The following NETO1 variants were observed in gnomAD, a reference collection of about 807,000 sequenced individuals.
The protein encoded by NETO1 is neuropilin and tolloid-like protein 1.
NETO1 carries 26 observed loss-of-function variants against 61.3 expected under a neutral mutation model. The ratio of observed to expected loss-of-function variants is 0.42; its 90% confidence interval spans 0.31 to 0.59. NETO1 has a LOEUF of 0.59. Ranked by LOEUF, NETO1 falls within the 20% of genes least tolerant of loss-of-function variation. The probability of loss-of-function intolerance (pLI) is 0.12; values close to 1 mark genes in which losing one functional copy is unlikely to be tolerated. For synonymous variants in NETO1, 225 were observed against 225.8 expected (o/e 1.00, Z 0.03); for missense variants, 531 against 662.8 (o/e 0.80, Z 2.18).
rs1217762496 is a variant in NETO1 at position 72,848,878 on chromosome 18, G to A, written c.469+9948C>T. On this transcript the variant is annotated intron_variant, in intron 4 of 10. Transcript: ENST00000327305. ...TTTAGTTCAAGATGGCAACCTTTAT[G>A]CTGATGGAACATTCTCAAGAACCAT... Among the ~76,000 whole-genome samples the A allele has an allele frequency of 4.6e-5, 7 of 152,152 alleles. No homozygotes were observed. The East Asian group carries it at 1.3e-3, about 29-fold the overall frequency.
intron 7 of NETO1, among the ~76,000 whole-genome samples, chr18:72,778,148 A>C (rs2071619138): frequency 6.6e-6 from 1 of 152,066 alleles, no homozygotes; most frequent in Non-Finnish European, 1.5e-5. Flanking sequence ...TTCTCCTTCA[A>C]CTCATTCTGT....
At chr18:72,858,619 CTT>C (rs1010408853) in intron 4 of NETO1, among the ~76,000 whole-genome samples, 18 of 152,156 alleles carry the variant, frequency 1.2e-4, no homozygotes, top group African/African-American at 3.9e-4. Context: ...AGTCACTACT[CTT>C]TACCTCTAGT....
At chr18:72,756,213 C>A in intron 7 of NETO1, 66 bp from the exon 8 acceptor site, 1 of 714,354 alleles carries the variant, frequency 1.4e-6, no homozygotes, top group Non-Finnish European at 2.5e-6. Flanking sequence ...AAATCACTCA[C>A]ATTACAAATC....
At chr18:72,861,754 C>A (rs962579963) in intron 3 of NETO1, among the ~76,000 whole-genome samples, 2 of 152,132 alleles carry the variant, frequency 1.3e-5, no homozygotes, top group Non-Finnish European at 2.9e-5. Context: ...CCCTCTTTCT[C>A]TTCTATTTTA....
chr18:72,783,329 G>A (rs2071804737), intron 7 of NETO1, among the ~76,000 whole-genome samples: 1 of 152,158 alleles, frequency 6.6e-6, no homozygotes, highest in African/African-American at 2.4e-5. Flanking sequence ...TTTTATGCAG[G>A]TTTTTAAAGA....
chr18:72,810,058 T>C (rs925991281), intron 4 of NETO1, among the ~76,000 whole-genome samples: 2 of 152,244 alleles, frequency 1.3e-5, no homozygotes, highest in African/African-American at 2.4e-5. Flanking sequence ...TGTCACTGTT[T>C]GCAATTTAAG....
chr18:72,839,020 G>A (rs951573795), intron 4 of NETO1, among the ~76,000 whole-genome samples: 7 of 152,092 alleles, frequency 4.6e-5, no homozygotes, highest in South Asian at 2.1e-4. Flanking sequence ...GATTTTGCCC[G>A]TTGTTATTAT....
chr18:72,765,270 C>T (rs1208855418), intron 7 of NETO1, among the ~76,000 whole-genome samples: 1 of 152,142 alleles, frequency 6.6e-6, no homozygotes, highest in Non-Finnish European at 1.5e-5. Flanking sequence ...GTTGGTTTTC[C>T]CACAATACAT....
At chr18:72,759,621 T>C (rs1457735888) in intron 7 of NETO1, among the ~76,000 whole-genome samples, 1 of 152,180 alleles carries the variant, frequency 6.6e-6, no homozygotes, top group Non-Finnish European at 1.5e-5. Context: ...GGCCATGGTC[T>C]TCCAATCAAG....
rs185369091 is a variant in NETO1, at chr18:72,746,700, C to G, written c.*1479G>C. On this transcript the variant is annotated 3_prime_UTR_variant, in exon 11 of 11. Transcript: ENST00000327305. ...CCAAATTTTAGTAGACCAGACTGCT[C>G]TGTTAGTGGAAGGACAGAGTTCTTT... Among the ~76,000 whole-genome samples, 2 of 151,858 alleles carry G rather than the reference C, an allele frequency of 1.3e-5. No individual in the cohort carries two copies. Among genetic ancestry groups the G allele is most frequent in the Non-Finnish European group, 2.9e-5 (2 of 67,900 alleles).
chr18:72,761,289 C>T (rs1186275236), intron 7 of NETO1, among the ~76,000 whole-genome samples: 1 of 152,100 alleles, frequency 6.6e-6, no homozygotes, highest in African/African-American at 2.4e-5. Context: ...TATCTTTGTA[C>T]CTTGGAGAAT....
At chr18:72,752,599 A>G (rs1004762689) in intron 8 of NETO1, among the ~76,000 whole-genome samples, 5 of 152,192 alleles carry the variant, frequency 3.3e-5, no homozygotes, top group Non-Finnish European at 5.9e-5. Context: ...ACAAAACATT[A>G]TAATACATGT....
intron 4 of NETO1, among the ~76,000 whole-genome samples, chr18:72,802,611 A>G (rs2072544900): frequency 6.6e-6 from 1 of 152,198 alleles, no homozygotes; most frequent in African/African-American, 2.4e-5. Flanking sequence ...GAAATATTCA[A>G]ATTTTTGGTT....
intron 4 of NETO1, among the ~76,000 whole-genome samples, chr18:72,845,352 T>C (rs17728440): frequency 0.28 from 42,318 of 152,106 alleles, 7,434 homozygotes; most frequent in South Asian, 0.4. Context: ...TGAGCCAGAA[T>C]TCCACCTCAG....
At chr18:72,801,013 C>T (rs1320746300) in intron 4 of NETO1, among the ~76,000 whole-genome samples, 1 of 152,122 alleles carries the variant, frequency 6.6e-6, no homozygotes, top group Non-Finnish European at 1.5e-5. Context: ...ACTATGTTTC[C>T]CAGCCTCCCT....
chr18:72,814,448 A>T (rs1290916188), intron 4 of NETO1, among the ~76,000 whole-genome samples: 1 of 152,068 alleles, frequency 6.6e-6, no homozygotes, highest in Non-Finnish European at 1.5e-5. Context: ...TTATAGTAAG[A>T]AGAAGAAAAG....
chr18:72,783,882 C>A lies in NETO1; in HGVS notation c.664G>T (p.Glu222Ter), dbSNP rs1176817449. Residue 222 changes from glutamate to a stop codon, truncating the protein, a stop_gained, in exon 7 of 11, where the codon GAG (glutamate) becomes TAG (stop). Transcript: ENST00000327305. LOFTEE classifies it high-confidence loss of function. ...TTGCACTCATTTGAATTCTGCATCT[C>A]ATAGTCCAAGAATCGTAAGTAAATC... Reference protein sequence around the residue: ...SKIYLRFLDYEMQNSNECKRN... With the variant: ...SKIYLRFLDY 6.2e-7 allele frequency: 1 copy of A among 1,613,288 alleles called. No individual in the cohort carries two copies. Among genetic ancestry groups the A allele is most frequent in the Non-Finnish European group, 8.5e-7 (1 of 1,179,252 alleles).
chr18:72,839,441 C>T (rs1006037270), intron 4 of NETO1, among the ~76,000 whole-genome samples: 2 of 152,114 alleles, frequency 1.3e-5, no homozygotes, highest in African/African-American at 4.8e-5. Flanking sequence ...AACAATTTTA[C>T]AATTTTAAAA....
chr18:72,749,864 A>G, intron 9 of NETO1, among the ~76,000 whole-genome samples, 198 bp downstream of exon 9: 1 of 152,190 alleles, frequency 6.6e-6, no homozygotes, highest in Admixed American at 6.5e-5. Context: ...ACACATACAT[A>G]TCGTGCACAT....
Sources: gnomAD v4.1 joint callset for allele counts (sites outside exome capture counted in the v4.1 genomes callset) on GRCh38, gnomAD v4.1.1 for gene constraint, MANE v1.5 for transcripts, NCBI Gene and HGNC (gene_info 2026-07-23, HGNC 2026-07-21) for gene names.